NCOA6: variants seen among roughly 807,000 people sequenced by gnomAD.
NCOA6 encodes nuclear receptor coactivator 6.
NCOA6 carries 49 observed loss-of-function variants against 171.4 expected under a neutral mutation model. That is an observed-to-expected ratio of 0.29 (90% confidence interval 0.23 to 0.36). The LOEUF is 0.36. Ranked by LOEUF, NCOA6 falls within the 10% of genes least tolerant of loss-of-function variation. NCOA6 has a pLI of 1.00. For synonymous variants in NCOA6, 910 were observed against 927.5 expected, an observed-to-expected ratio of 0.98 and a Z score of 0.34; for missense variants, 2,248 against 2,554.5, an observed-to-expected ratio of 0.88 and a Z score of 2.59.
intron 14 of NCOA6, among the ~76,000 whole-genome samples, chr20:34,718,060 A>G (rs1325378024): frequency 6.6e-6 from 1 of 152,178 alleles, no homozygotes; most frequent in Non-Finnish European, 1.5e-5. Context: ...AGCGTGAATC[A>G]ATGAGTGGGG....
intron 2 of NCOA6, among the ~76,000 whole-genome samples, chr20:34,792,174 T>A (rs192810516): frequency 1.3e-5 from 2 of 152,162 alleles, no homozygotes; most frequent in Non-Finnish European, 2.9e-5. Context: ...TTAATCAACA[T>A]AAATTCTAAA....
chr20:34,768,154 G>A (rs1451387781), intron 5 of NCOA6, among the ~76,000 whole-genome samples: 1 of 152,132 alleles, frequency 6.6e-6, no homozygotes, highest in Non-Finnish European at 1.5e-5. Context: ...TTAAAATAAT[G>A]AGGGTAGAAA....
Position 34,757,577 on chromosome 20 carries a change from G to C in NCOA6, c.1171C>G (p.Pro391Ala), listed in dbSNP as rs2076678959. 1.2e-6 allele frequency: 2 copies of C among 1,614,002 alleles called. No homozygotes were observed. The highest frequency in any genetic ancestry group is 1.3e-5 in the African/African-American group (1 of 75,046). ...AACTGGCCTGGGTTGCTCATCTGAGGAAAGTTTGTGTGGGCTTGTGAGGCT... is the reference window on the plus strand; with the variant it reads ...AACTGGCCTGGGTTGCTCATCTGAGCAAAGTTTGTGTGGGCTTGTGAGGCT... ...QQASQAHTNF[P>A]QMSNPGQFTA... The change falls in exon 7 of 15, where the codon CCT becomes GCT. Residue 391 changes from proline (P) to alanine (A), a missense_variant. Pro to Ala is a conservative substitution (Grantham distance 27). Coordinates refer to ENST00000359003, the MANE Select transcript of NCOA6 (RefSeq NM_014071.5).
intron 11 of NCOA6, among the ~76,000 whole-genome samples, chr20:34,737,967 C>T (rs6120707): frequency 5.3e-5 from 8 of 152,192 alleles, no homozygotes; most frequent in African/African-American, 1.2e-4. Context: ...GGCAGGATCT[C>T]GGTTCACCAC....
Position 34,757,745 on chromosome 20 carries a change from G to C in NCOA6, c.1003C>G (p.Leu335Val). 1.9e-6 allele frequency: 3 copies of C among 1,614,176 alleles called. No individual in the cohort carries two copies. The highest frequency in any genetic ancestry group is 2.5e-6 in the Non-Finnish European group (3 of 1,180,024). The change falls in exon 7 of 15, where the codon CTG becomes GTG. Residue 335 changes from leucine (L) to valine (V), a missense_variant. Transcript: ENST00000359003. Reference sequence around the variant, plus strand: ...CCTTGGTTTGCAGTCATTGTGCCCAGAGAACCCTGGGCTGGAGGAGGTTGA... The same window carrying C: ...CCTTGGTTTGCAGTCATTGTGCCCACAGAACCCTGGGCTGGAGGAGGTTGA... ...ALQPPPAQGSLGTMTANQGWK... is the reference protein window; with the variant it reads ...ALQPPPAQGSVGTMTANQGWK...
chr20:34,775,672 C>CAAAA (rs570763953), intron 4 of NCOA6, among the ~76,000 whole-genome samples: 2 of 77,572 alleles, frequency 2.6e-5, no homozygotes, highest in Admixed American at 1.5e-4. Flanking sequence ...GACTCTGTCT[C>CAAAA]AAAAAAAAAA....
At chr20:34,805,470 T>C (rs1349949374) in intron 1 of NCOA6, among the ~76,000 whole-genome samples, 1 of 152,238 alleles carries the variant, frequency 6.6e-6, no homozygotes, top group African/African-American at 2.4e-5. Flanking sequence ...TGCATGTTGC[T>C]ACAAATGACA....
chr20:34,777,520 C>T (rs1290850126), intron 3 of NCOA6, among the ~76,000 whole-genome samples: 2 of 151,930 alleles, frequency 1.3e-5, no homozygotes, highest in Non-Finnish European at 2.9e-5. Flanking sequence ...GAGGCTGAGG[C>T]CAGAGAATCG....
At chr20:34,745,660 T>C (rs141032887) in intron 10 of NCOA6, among the ~76,000 whole-genome samples, 1 of 152,244 alleles carries the variant, frequency 6.6e-6, no homozygotes, top group East Asian at 1.9e-4. Context: ...CAAAAAGAAG[T>C]TGAAATAACT....
chr20:34,773,784 A>G (rs2077225679), intron 4 of NCOA6, among the ~76,000 whole-genome samples: 1 of 152,190 alleles, frequency 6.6e-6, no homozygotes, highest in Non-Finnish European at 1.5e-5. Flanking sequence ...TTGGCCTCCC[A>G]AAGTGTTGGG....
At chr20:34,752,210 A>G (rs947007555) in intron 8 of NCOA6, among the ~76,000 whole-genome samples, 2 of 152,168 alleles carry the variant, frequency 1.3e-5, no homozygotes, top group Non-Finnish European at 2.9e-5. Context: ...GAAGTTATGA[A>G]GCCAGTCCAT....
At chr20:34,784,089 G>C (rs1313034951) in intron 2 of NCOA6, among the ~76,000 whole-genome samples, 1 of 151,846 alleles carries the variant, frequency 6.6e-6, no homozygotes. Context: ...AACTATATTA[G>C]GTTGGTAGGA....
rs927682785 is a variant in NCOA6 at position 34,780,185 on chromosome 20, T to C, written c.235+1936A>G. Reference sequence around the variant, plus strand: ...GTACATATTCTACACAAACATCAAATTTGCTTATGGTATTAACACTTGTAA... The same window carrying C: ...GTACATATTCTACACAAACATCAAACTTGCTTATGGTATTAACACTTGTAA... On this transcript the variant is annotated intron_variant, in intron 3 of 14. Transcript: ENST00000359003. 6.6e-5 allele frequency among the ~76,000 whole-genome samples: 10 copies of C among 152,210 alleles called. No individual in the cohort carries two copies. The East Asian group carries it at 1.9e-3, about 29-fold the overall frequency.
chr20:34,799,666 A>AC (rs1182908514), intron 1 of NCOA6, among the ~76,000 whole-genome samples: 2 of 152,170 alleles, frequency 1.3e-5, no homozygotes, highest in Non-Finnish European at 2.9e-5. Flanking sequence ...TTTAGTGGAA[A>AC]CCCTATAGGC....
At chr20:34,796,877 G>A (rs982108224) in intron 1 of NCOA6, among the ~76,000 whole-genome samples, 1 of 152,018 alleles carries the variant, frequency 6.6e-6, no homozygotes, top group African/African-American at 2.4e-5. Context: ...GGGAGCTGAG[G>A]GTGAGATCGA....
chr20:34,747,335 A>T (rs1264807727), intron 9 of NCOA6, among the ~76,000 whole-genome samples: 1 of 152,204 alleles, frequency 6.6e-6, no homozygotes, highest in African/African-American at 2.4e-5. Context: ...TTTTGTGGAT[A>T]TAACAGTGGG....
chr20:34,757,719 C>A lies in NCOA6; in HGVS notation c.1029G>T (p.Gly343=). 1 of 1,614,114 alleles carries A rather than the reference C, an allele frequency of 6.2e-7. No homozygotes were observed. Among genetic ancestry groups the A allele is most frequent in the South Asian group, 1.1e-5 (1 of 91,086 alleles). ...GGCCGGGCAAGGGAGCCTTCTTCCA[C>A]CCTTGGTTTGCAGTCATTGTGCCCA... ...GSLGTMTANQ[G]WKKAPLPGPM... Residue 343 remains glycine (G), a synonymous_variant, in exon 7 of 15, where the codon GGG becomes GGT. Coordinates refer to ENST00000359003, the MANE Select transcript of NCOA6 (RefSeq NM_014071.5).
chr20:34,715,575 G>A (rs909600919), intron 14 of NCOA6, among the ~76,000 whole-genome samples: 5 of 152,210 alleles, frequency 3.3e-5, no homozygotes, highest in African/African-American at 9.6e-5. Flanking sequence ...GAATTGGAAT[G>A]TGACAGAGGT....
intron 1 of NCOA6, among the ~76,000 whole-genome samples, 177 bp from the exon 2 acceptor site, chr20:34,792,740 G>A (rs192427421): frequency 9.3e-5 from 14 of 151,204 alleles, no homozygotes; most frequent in Middle Eastern, 3.4e-3. Context: ...TGTTAAAACA[G>A]GGTTTTCATT....
Sources: gnomAD v4.1 joint callset for allele counts (sites outside exome capture counted in the v4.1 genomes callset) on GRCh38, gnomAD v4.1.1 for gene constraint, MANE v1.5 for transcripts, NCBI Gene and HGNC (gene_info 2026-07-23, HGNC 2026-07-21) for gene names.